PTPRT: variants seen among roughly 807,000 people sequenced by gnomAD.
PTPRT encodes receptor-type tyrosine-protein phosphatase T.
Under a neutral mutation model 176.8 loss-of-function variants are expected in PTPRT, and 56 were observed. That is an observed-to-expected ratio of 0.32 (90% confidence interval 0.26 to 0.40). The LOEUF (loss-of-function observed/expected upper bound fraction) is 0.40. Ranked by LOEUF, PTPRT falls within the 10% of genes least tolerant of loss-of-function variation. PTPRT has a pLI of 1.00. For synonymous variants in PTPRT, 783 were observed against 739.0 expected, an observed-to-expected ratio of 1.06 and a Z score of -0.96; for missense variants, 1,540 against 1,908.2, an observed-to-expected ratio of 0.81 and a Z score of 3.60.
At chr20:42,305,280 G>A (rs2057528305) in intron 12 of PTPRT, among the ~76,000 whole-genome samples, 1 of 60,000 alleles carries the variant, frequency 1.7e-5, no homozygotes, top group Non-Finnish European at 3.6e-5. Flanking sequence ...TCGAACCTGG[G>A]AGGCAGGTTG....
At chr20:42,587,687 C>G (rs1308564430) in intron 7 of PTPRT, among the ~76,000 whole-genome samples, 1 of 152,220 alleles carries the variant, frequency 6.6e-6, no homozygotes, top group Non-Finnish European at 1.5e-5. Context: ...CTGAGCCCAG[C>G]TGGCTATCTT....
At chr20:42,178,401 A>G (rs1990380893) in intron 16 of PTPRT, among the ~76,000 whole-genome samples, 2 of 152,274 alleles carry the variant, frequency 1.3e-5, no homozygotes, top group South Asian at 4.1e-4. Flanking sequence ...GGCAGCTGCA[A>G]TGAGAGGTCT....
chr20:42,128,722 G>T, intron 19 of PTPRT, 32 bp downstream of exon 19: 1 of 1,536,260 alleles, frequency 6.5e-7, no homozygotes. Flanking sequence ...GCAAAAGCCA[G>T]CCCCAGCCCC....
At chr20:42,245,855 C>A (rs947948835) in intron 14 of PTPRT, among the ~76,000 whole-genome samples, 18 of 152,170 alleles carry the variant, frequency 1.2e-4, no homozygotes, top group African/African-American at 3.9e-4. Flanking sequence ...AGAAAAAAAA[C>A]CCCGGAAAGT....
At chr20:42,708,075 A>C (rs1422135777) in intron 6 of PTPRT, among the ~76,000 whole-genome samples, 1 of 152,212 alleles carries the variant, frequency 6.6e-6, no homozygotes, top group Non-Finnish European at 1.5e-5. Context: ...GTCATAAAGA[A>C]ATATGCAAAA....
At chr20:42,056,346 GCCC>G in the PTPRT span, among the ~76,000 whole-genome samples, 1 of 152,086 alleles carries the variant, frequency 6.6e-6, no homozygotes. Flanking sequence ...GGATCTTTTG[GCCC>G]TTGGACAAAC....
intron 2 of PTPRT, among the ~76,000 whole-genome samples, chr20:42,810,038 A>C (rs1223947169): frequency 6.6e-6 from 1 of 152,190 alleles, no homozygotes; most frequent in African/African-American, 2.4e-5. Flanking sequence ...CAGGCCTGTA[A>C]TCCTAGCACT....
chr20:42,454,070 A>G (rs1394226756), intron 8 of PTPRT, among the ~76,000 whole-genome samples: 1 of 151,950 alleles, frequency 6.6e-6, no homozygotes, highest in Non-Finnish European at 1.5e-5. Context: ...CCAAGACAAT[A>G]TATCATTTAG....
chr20:42,812,899 T>A (rs1286099022), intron 2 of PTPRT, among the ~76,000 whole-genome samples: 1 of 152,252 alleles, frequency 6.6e-6, no homozygotes, highest in African/African-American at 2.4e-5. Flanking sequence ...TTTGAATAAA[T>A]AAAAGGTTAT....
At chr20:42,485,424 G>A (rs1228082055) in intron 7 of PTPRT, among the ~76,000 whole-genome samples, 14 of 152,156 alleles carry the variant, frequency 9.2e-5, no homozygotes, top group Admixed American at 9.2e-4. Context: ...CACTTTACTT[G>A]TCCTGGCTGT....
intron 6 of PTPRT, among the ~76,000 whole-genome samples, chr20:42,717,351 AC>A (rs1278296282): frequency 6.6e-6 from 1 of 152,072 alleles, no homozygotes; most frequent in Non-Finnish European, 1.5e-5. Flanking sequence ...TCCAAAATAA[AC>A]CCTTACATAT....
chr20:42,283,498 A>C (rs2057175295), intron 12 of PTPRT, among the ~76,000 whole-genome samples: 1 of 152,032 alleles, frequency 6.6e-6, no homozygotes. Flanking sequence ...AAACCCCTGA[A>C]CTTCAGTGGC....
At chr20:43,180,912 G>A (rs561306505) in intron 1 of PTPRT, among the ~76,000 whole-genome samples, 1 of 152,240 alleles carries the variant, frequency 6.6e-6, no homozygotes, top group East Asian at 1.9e-4. Context: ...GCTGAACCTA[G>A]TGACTTGCTT....
chr20:43,093,036 C>T (rs1338726805), intron 1 of PTPRT, among the ~76,000 whole-genome samples: 1 of 152,190 alleles, frequency 6.6e-6, no homozygotes, highest in East Asian at 1.9e-4. Context: ...ATATCAAGTG[C>T]TAATAGTGTA....
intron 7 of PTPRT, among the ~76,000 whole-genome samples, chr20:42,613,734 A>C (rs1156627116): frequency 6.6e-6 from 1 of 152,176 alleles, no homozygotes; most frequent in Non-Finnish European, 1.5e-5. Flanking sequence ...AAGCTGAAAG[A>C]AAATTTCAAC....
intron 1 of PTPRT, among the ~76,000 whole-genome samples, chr20:43,123,579 T>C (rs1482713545): frequency 6.6e-6 from 1 of 152,132 alleles, no homozygotes; most frequent in East Asian, 1.9e-4. Flanking sequence ...CTCTGAATGG[T>C]AGATGAGAAA....
intron 7 of PTPRT, among the ~76,000 whole-genome samples, chr20:42,516,963 T>A (rs192039037): frequency 1.3e-5 from 2 of 152,140 alleles, no homozygotes; most frequent in African/African-American, 4.8e-5. Flanking sequence ...CTAACTTTGG[T>A]TTCTGAATGT....
intron 1 of PTPRT, among the ~76,000 whole-genome samples, chr20:42,976,527 T>C (rs1388052623): frequency 1.3e-5 from 2 of 151,972 alleles, no homozygotes; most frequent in Non-Finnish European, 2.9e-5. Context: ...CACCTCAGCC[T>C]CCCAAGTAGC....
At chr20:42,341,506 T>A (rs2058111255) in intron 11 of PTPRT, among the ~76,000 whole-genome samples, 1 of 152,054 alleles carries the variant, frequency 6.6e-6, no homozygotes, top group Non-Finnish European at 1.5e-5. Flanking sequence ...ACAGCCCTGG[T>A]TTTCCTTCTA....
Sources: gnomAD v4.1 joint callset for allele counts (sites outside exome capture counted in the v4.1 genomes callset) on GRCh38, gnomAD v4.1.1 for gene constraint, MANE v1.5 for transcripts, NCBI Gene and HGNC (gene_info 2026-07-23, HGNC 2026-07-21) for gene names.